The following RFX4 variants were observed in gnomAD, a reference collection of about 807,000 sequenced individuals.
RFX4 encodes regulatory factor X4.
In RFX4, 10 loss-of-function variants were observed where a neutral mutation model predicts 95.0. That is an observed-to-expected ratio of 0.11 (90% CI 0.06 to 0.18). RFX4 has a LOEUF of 0.18. Ranked by LOEUF, RFX4 falls within the 10% of genes least tolerant of loss-of-function variation. The pLI is 1.00. For missense variants in RFX4, 640 were observed against 922.0 expected, an observed-to-expected ratio of 0.69 and a Z score of 3.96; for synonymous variants, 321 against 340.7, an observed-to-expected ratio of 0.94 and a Z score of 0.64.
intron 1 of RFX4, among the ~76,000 whole-genome samples, chr12:106,598,435 T>C (rs982805484): frequency 2.6e-5 from 4 of 151,942 alleles, no homozygotes; most frequent in Non-Finnish European, 4.4e-5. Context: ...TTCTCTTACG[T>C]GCACTTATAG....
intron 13 of RFX4, among the ~76,000 whole-genome samples, chr12:106,725,412 T>C (rs1383706276): frequency 6.6e-6 from 1 of 152,192 alleles, no homozygotes; most frequent in Non-Finnish European, 1.5e-5. Flanking sequence ...AACTATTGAA[T>C]GTAATTTAAA....
chr12:106,696,469 T>C, intron 8 of RFX4, 23 bp downstream of exon 8: 2 of 1,613,558 alleles, frequency 1.2e-6, no homozygotes, highest in Non-Finnish European at 1.7e-6. Context: ...ATTCTTGTCT[T>C]CCTTCACGGC....
intron 3 of RFX4, among the ~76,000 whole-genome samples, chr12:106,650,387 C>T (rs1010698959): frequency 6.6e-6 from 1 of 152,092 alleles, no homozygotes; most frequent in Non-Finnish European, 1.5e-5. Flanking sequence ...GAAAATGTTC[C>T]ACTACAAGTG....
intron 15 of RFX4, among the ~76,000 whole-genome samples, chr12:106,743,715 C>T (rs1048523869): frequency 6.6e-6 from 1 of 152,168 alleles, no homozygotes; most frequent in East Asian, 1.9e-4. Context: ...AAAGTAACTG[C>T]TGTTGCATTC....
intron 1 of RFX4, among the ~76,000 whole-genome samples, chr12:106,601,728 G>C (rs2039715726): frequency 6.6e-6 from 1 of 152,212 alleles, no homozygotes; most frequent in Non-Finnish European, 1.5e-5. Flanking sequence ...GGGCCCGGCG[G>C]GCAAGGCCTT....
At chr12:106,641,888 T>TAGACCA (rs1258489969) in intron 3 of RFX4, among the ~76,000 whole-genome samples, 1 of 152,114 alleles carries the variant, frequency 6.6e-6, no homozygotes, top group African/African-American at 2.4e-5. Context: ...GTGGATAAGG[T>TAGACCA]AGACCAAGAA....
At chr12:106,694,929 C>G (rs2041851904) in intron 7 of RFX4, among the ~76,000 whole-genome samples, 1 of 152,064 alleles carries the variant, frequency 6.6e-6, no homozygotes, top group Non-Finnish European at 1.5e-5. Flanking sequence ...CCCAGCTACT[C>G]AGGAAGCTGA....
chr12:106,592,224 T>C (rs2039558853), intron 1 of RFX4, among the ~76,000 whole-genome samples: 1 of 152,136 alleles, frequency 6.6e-6, no homozygotes, highest in African/African-American at 2.4e-5. Context: ...AAATGTAGAC[T>C]GTTTTAGAAT....
At chr12:106,593,863 T>C (rs1159873232) in intron 1 of RFX4, among the ~76,000 whole-genome samples, 4 of 152,194 alleles carry the variant, frequency 2.6e-5, no homozygotes, top group Non-Finnish European at 5.9e-5. Flanking sequence ...TAGGATTTTA[T>C]AAAGTTCCAG....
intron 4 of RFX4, among the ~76,000 whole-genome samples, chr12:106,678,455 T>C (rs773686253): frequency 2.6e-5 from 4 of 151,988 alleles, no homozygotes; most frequent in Non-Finnish European, 4.4e-5. Flanking sequence ...TTATAGAAAA[T>C]AGGAAATGAT....
At chr12:106,653,383 G>A (rs2040892050) in intron 3 of RFX4, among the ~76,000 whole-genome samples, 1 of 152,230 alleles carries the variant, frequency 6.6e-6, no homozygotes, top group East Asian at 1.9e-4. Context: ...CCATGCACGT[G>A]CCAGGCACCA....
intron 2 of RFX4, among the ~76,000 whole-genome samples, chr12:106,616,348 T>G (rs1294806314): frequency 6.6e-6 from 1 of 152,116 alleles, no homozygotes; most frequent in African/African-American, 2.4e-5. Context: ...TACTTCTGGG[T>G]GTGATTTTTA....
At position 106,761,512 on chromosome 12, in the gene RFX4, T is replaced by A; in HGVS notation, c.*43T>A. 8.2e-7 allele frequency: 1 copy of A among 1,218,422 alleles called. No homozygotes were observed. The highest frequency in any genetic ancestry group is 1.1e-6 in the Non-Finnish European group (1 of 951,502). The allele number at this position is 1,218,422 out of a possible 1,614,324, so 75.5% of individuals were successfully genotyped here. A position where few individuals can be genotyped will look rare whatever the true frequency, so the allele number is the denominator to read the frequency against. On this transcript the variant is annotated 3_prime_UTR_variant, in exon 18 of 18. Coordinates refer to ENST00000392842, the MANE Select transcript of RFX4 (RefSeq NM_213594.3). ...CATATTTAATATTAATAATAATAAT[T>A]AATAATAATAATAAACCCAACACCC...
chr12:106,723,676 G>A (rs968438982), intron 13 of RFX4, among the ~76,000 whole-genome samples: 3 of 152,190 alleles, frequency 2.0e-5, no homozygotes, highest in Non-Finnish European at 4.4e-5. Context: ...CCCAGAACAA[G>A]AGGCCATGAC....
intron 1 of RFX4, among the ~76,000 whole-genome samples, chr12:106,594,332 G>C (rs919092): frequency 0.72 from 109,742 of 152,052 alleles, 39,979 homozygotes; most frequent in East Asian, 0.96. Flanking sequence ...TGTGAGAAAG[G>C]CTTTGGTCTC....
chr12:106,686,625 G>T (rs1331512828), intron 5 of RFX4, among the ~76,000 whole-genome samples: 1 of 152,010 alleles, frequency 6.6e-6, no homozygotes, highest in Non-Finnish European at 1.5e-5. Context: ...CAAAGTATTT[G>T]ACTTAACGTT....
intron 10 of RFX4, among the ~76,000 whole-genome samples, chr12:106,712,961 G>A (rs796528800): frequency 3.3e-5 from 5 of 152,050 alleles, no homozygotes; most frequent in Admixed American, 6.6e-5. Flanking sequence ...AGATAAAAGC[G>A]TCCACACCCA....
At chr12:106,601,026 T>G (rs7308323) in intron 1 of RFX4, 240,724 of 838,094 alleles carry the variant, frequency 0.29, 37,229 homozygotes, top group African/African-American at 0.49. Context: ...TCAGAGCCTG[T>G]CAAACAGTAG....
chr12:106,632,861 C>T (rs1176286599), intron 2 of RFX4, among the ~76,000 whole-genome samples: 2 of 152,052 alleles, frequency 1.3e-5, no homozygotes, highest in Non-Finnish European at 2.9e-5. Flanking sequence ...AGGTGCACGC[C>T]ACCGTATCTG....
Sources: gnomAD v4.1 joint callset for allele counts (sites outside exome capture counted in the v4.1 genomes callset) on GRCh38, gnomAD v4.1.1 for gene constraint, MANE v1.5 for transcripts, NCBI Gene and HGNC (gene_info 2026-07-23, HGNC 2026-07-21) for gene names.